Variants in CHSY3 observed in about 807,000 individuals in gnomAD.
CHSY3 encodes the protein N-acetylgalactosaminyl-proteoglycan 3-beta-glucuronosyltransferase 3.
In CHSY3, 35 loss-of-function variants were observed where a neutral mutation model predicts 67.2. The ratio of observed to expected loss-of-function variants is 0.52; its 90% CI spans 0.40 to 0.69. The LOEUF is 0.69. Among genes scored for constraint, CHSY3 ranks in the 30% least tolerant of loss-of-function variants. The probability of loss-of-function intolerance (pLI) is 0.00; values close to 1 mark genes in which losing one functional copy is unlikely to be tolerated. For synonymous variants in CHSY3, 474 were observed against 434.7 expected (o/e 1.09, Z -1.12); for missense variants, 1,069 against 1,138.5 (o/e 0.94, Z 0.88).
chr5:130,109,940 A>G (rs975301751), intron 2 of CHSY3, among the ~76,000 whole-genome samples: 2 of 151,892 alleles, frequency 1.3e-5, no homozygotes, highest in Non-Finnish European at 2.9e-5. Flanking sequence ...TAAGCAAGGA[A>G]AAGAGATGGG....
chr5:129,962,114 A>G (rs73785826), intron 2 of CHSY3, among the ~76,000 whole-genome samples: 79 of 152,040 alleles, frequency 5.2e-4, no homozygotes, highest in African/African-American at 1.9e-3. Flanking sequence ...TTCATTATGA[A>G]TTATTTTCTC....
intron 2 of CHSY3, among the ~76,000 whole-genome samples, chr5:129,980,066 G>T (rs1173408529): frequency 1.3e-5 from 2 of 152,148 alleles, no homozygotes; most frequent in Admixed American, 6.5e-5. Flanking sequence ...TCATTGTGCA[G>T]GTTTTATATG....
At chr5:130,101,518 T>C (rs1047767362) in intron 2 of CHSY3, among the ~76,000 whole-genome samples, 1 of 152,142 alleles carries the variant, frequency 6.6e-6, no homozygotes, top group African/African-American at 2.4e-5. Context: ...TATTTTGATA[T>C]ATGTAGACAT....
chr5:129,957,196 T>C (rs1035964279), intron 2 of CHSY3, among the ~76,000 whole-genome samples: 1 of 152,118 alleles, frequency 6.6e-6, no homozygotes, highest in Non-Finnish European at 1.5e-5. Context: ...TCGTTATCTA[T>C]GTTTCTATGT....
At chr5:130,028,506 A>G (rs2149658420) in intron 2 of CHSY3, among the ~76,000 whole-genome samples, 1 of 152,322 alleles carries the variant, frequency 6.6e-6, no homozygotes, top group Admixed American at 6.5e-5. Context: ...ACAGAAGCAT[A>G]CTTTTTAATA....
At chr5:130,113,183 A>T (rs1303563632) in intron 2 of CHSY3, among the ~76,000 whole-genome samples, 2 of 152,158 alleles carry the variant, frequency 1.3e-5, no homozygotes, top group African/African-American at 2.4e-5. Context: ...ATGAGACAGA[A>T]TATCAGCTAA....
chr5:130,068,903 G>A lies in CHSY3; in HGVS notation c.1087-115326G>A, dbSNP rs146976022. Among the ~76,000 whole-genome samples the A allele has an allele frequency of 1.9e-3, 289 of 152,220 alleles. 2 individuals are homozygous for A. Among genetic ancestry groups the A allele is most frequent in the African/African-American group, 6.7e-3 (277 of 41,554 alleles). On this transcript the variant is annotated intron_variant, in intron 2 of 2. Transcript: ENST00000305031. ...TTTTGCTCCTTCTGGCATCTACAAAGTCTTGTAGCAGAGTCTATTGCCAGT... is the reference window on the plus strand; with the variant it reads ...TTTTGCTCCTTCTGGCATCTACAAAATCTTGTAGCAGAGTCTATTGCCAGT...
At chr5:130,009,155 A>G (rs1404511127) in intron 2 of CHSY3, among the ~76,000 whole-genome samples, 3 of 152,184 alleles carry the variant, frequency 2.0e-5, no homozygotes, top group African/African-American at 4.8e-5. Flanking sequence ...CCCAAAACAC[A>G]TCATCGTCGT....
intron 2 of CHSY3, among the ~76,000 whole-genome samples, chr5:130,015,088 G>A (rs531485381): frequency 6.6e-6 from 1 of 152,100 alleles, no homozygotes; most frequent in Non-Finnish European, 1.5e-5. Flanking sequence ...GGATCATGGC[G>A]GTGGATTTCC....
intron 2 of CHSY3, among the ~76,000 whole-genome samples, chr5:130,013,687 G>T (rs538106393): frequency 1.6e-4 from 24 of 152,288 alleles, no homozygotes; most frequent in Admixed American, 1.5e-3. Context: ...GAGCAGAGGG[G>T]CCCTTGACCT....
intron 2 of CHSY3, among the ~76,000 whole-genome samples, chr5:129,951,087 A>G (rs1346336417): frequency 1.3e-5 from 2 of 152,188 alleles, no homozygotes; most frequent in African/African-American, 4.8e-5. Flanking sequence ...AAATGAACCC[A>G]AGCATTTATG....
intron 2 of CHSY3, among the ~76,000 whole-genome samples, chr5:130,074,793 A>G (rs1427802949): frequency 6.6e-6 from 1 of 152,192 alleles, no homozygotes; most frequent in Admixed American, 6.6e-5. Flanking sequence ...ATACTTGTTG[A>G]ATGCAATTGG....
At chr5:130,071,916 T>C (rs973107550) in intron 2 of CHSY3, among the ~76,000 whole-genome samples, 2 of 152,056 alleles carry the variant, frequency 1.3e-5, no homozygotes, top group Non-Finnish European at 2.9e-5. Flanking sequence ...GATATCTCAT[T>C]GTGGTTTTCA....
At chr5:130,024,108 T>C (rs1276420283) in intron 2 of CHSY3, among the ~76,000 whole-genome samples, 4 of 140,168 alleles carry the variant, frequency 2.9e-5, no homozygotes, top group Non-Finnish European at 6.0e-5. Context: ...AATCAGATGT[T>C]GTCCTCATCC....
intron 2 of CHSY3, among the ~76,000 whole-genome samples, chr5:129,911,035 G>A (rs907637411): frequency 6.7e-6 from 1 of 148,334 alleles, no homozygotes; most frequent in Admixed American, 6.7e-5. Flanking sequence ...AGAGTTGAGA[G>A]TCCTGTTAAG....
At chr5:130,023,343 A>G (rs937030247) in intron 2 of CHSY3, among the ~76,000 whole-genome samples, 1 of 152,076 alleles carries the variant, frequency 6.6e-6, no homozygotes. Flanking sequence ...CAGAAATTAC[A>G]TAAGGAAGAA....
At chr5:129,904,412 G>A (rs377250255), upstream of CHSY3, 213 of 163,126 alleles carry the variant, frequency 1.3e-3, 3 homozygotes, top group East Asian at 0.03. Flanking sequence ...GCGGGAGGCG[G>A]GAGTGAGGGC....
Position 129,904,738 on chromosome 5 carries a change from G to T in CHSY3, c.-92G>T. The T allele has an allele frequency of 8.1e-7, 1 of 1,233,336 alleles. No individual in the cohort carries two copies. Among genetic ancestry groups the T allele is most frequent in the Non-Finnish European group, 1.0e-6 (1 of 989,420 alleles). 76.4% of individuals were successfully genotyped at this position (1,233,336 alleles called of 1,614,324 possible). On this transcript the variant is annotated 5_prime_UTR_variant, in exon 1 of 3. Coordinates refer to ENST00000305031, the MANE Select transcript of CHSY3 (RefSeq NM_175856.5). ...CGGCCGGCTGCGGCCGCGGCTGGGGGCGCAAAGGCGGAGGAGGGGCGGGTG... is the reference window on the plus strand; with the variant it reads ...CGGCCGGCTGCGGCCGCGGCTGGGGTCGCAAAGGCGGAGGAGGGGCGGGTG...
intron 2 of CHSY3, among the ~76,000 whole-genome samples, chr5:130,029,056 T>C (rs766635488): frequency 6.6e-6 from 1 of 152,088 alleles, no homozygotes; most frequent in African/African-American, 2.4e-5. Flanking sequence ...TGATTCTTGA[T>C]AGACTGTCAT....
Sources: gnomAD v4.1 joint callset for allele counts (sites outside exome capture counted in the v4.1 genomes callset) on GRCh38, gnomAD v4.1.1 for gene constraint, MANE v1.5 for transcripts, NCBI Gene and HGNC (gene_info 2026-07-23, HGNC 2026-07-21) for gene names.